The following LRP1B variants were observed in gnomAD, a reference collection of about 807,000 sequenced individuals.
LRP1B encodes the protein low-density lipoprotein receptor-related protein 1B.
Under a neutral mutation model 556.6 loss-of-function variants are expected in LRP1B, and 217 were observed. That is an observed-to-expected ratio of 0.39 (90% CI 0.35 to 0.44). LRP1B has a LOEUF of 0.44. Among genes scored for constraint, LRP1B ranks in the 20% least tolerant of loss-of-function variants. The pLI is 1.00. For missense variants in LRP1B, 5,053 were observed against 5,620.8 expected, an observed-to-expected ratio of 0.90 and a Z score of 3.23; for synonymous variants, 2,047 against 1,865.8, an observed-to-expected ratio of 1.10 and a Z score of -2.50.
At chr2:141,141,254 CT>C (rs1277162207) in intron 7 of LRP1B, among the ~76,000 whole-genome samples, 2 of 151,962 alleles carry the variant, frequency 1.3e-5, no homozygotes, top group Admixed American at 6.6e-5. Flanking sequence ...GTAATGCCAT[CT>C]TTTTTTTCTT....
intron 6 of LRP1B, among the ~76,000 whole-genome samples, chr2:141,192,238 G>T (rs147630965): frequency 1.2e-3 from 180 of 152,004 alleles, no homozygotes; most frequent in African/African-American, 4.1e-3. Flanking sequence ...TTAGATGGAT[G>T]AACGGATAAA....
chr2:140,693,925 C>A (rs1316831284), intron 41 of LRP1B, among the ~76,000 whole-genome samples: 3 of 152,122 alleles, frequency 2.0e-5, no homozygotes, highest in Non-Finnish European at 4.4e-5. Flanking sequence ...CCAGGCTAGT[C>A]TCGAACTCCT....
chr2:140,475,397 C>T, intron 59 of LRP1B, 60 bp from the exon 60 acceptor site: 1 of 1,273,212 alleles, frequency 7.9e-7, no homozygotes, highest in East Asian at 2.5e-5. Flanking sequence ...AAACAACAAA[C>T]AATATATTAC....
At chr2:140,741,483 A>T (rs1688135610) in intron 35 of LRP1B, among the ~76,000 whole-genome samples, 2 of 149,398 alleles carry the variant, frequency 1.3e-5, no homozygotes, top group African/African-American at 4.9e-5. Flanking sequence ...CCACACTATT[A>T]TTTTTTTTTT....
chr2:141,519,131 G>T (rs142862908), intron 2 of LRP1B, among the ~76,000 whole-genome samples: 11 of 151,976 alleles, frequency 7.2e-5, no homozygotes, highest in African/African-American at 2.4e-4. Flanking sequence ...GAAAACCAAA[G>T]AGGAAACGGT....
chr2:141,971,112 C>A (rs551072915), intron 1 of LRP1B, among the ~76,000 whole-genome samples: 2 of 151,550 alleles, frequency 1.3e-5, no homozygotes, highest in South Asian at 4.1e-4. Flanking sequence ...GTTACCAAAT[C>A]CTTTTGAGCA....
intron 3 of LRP1B, among the ~76,000 whole-genome samples, chr2:141,447,716 C>A (rs761729747): frequency 6.6e-6 from 1 of 152,136 alleles, no homozygotes; most frequent in African/African-American, 2.4e-5. Flanking sequence ...ACTCCAGACC[C>A]TGTTTGCCTG....
chr2:140,837,691 C>CA lies in LRP1B; in HGVS notation c.5209+2299dup, dbSNP rs558593330. ...ATTCTCAGCAAACTATCACCAAGGA[C>CA]AAAAAACCAAACACCGCATATTCTC... On this transcript the variant is annotated intron_variant, in intron 31 of 90. Transcript: ENST00000389484. Among the ~76,000 whole-genome samples, 805 of 150,330 alleles carry CA rather than the reference C, an allele frequency of 5.4e-3. 29 individuals carry two copies. Among genetic ancestry groups the CA allele is most frequent in the Admixed American group, 0.047 (703 of 14,946 alleles).
chr2:141,886,989 GTTTGTTTGT>G (rs1699142367), intron 1 of LRP1B, among the ~76,000 whole-genome samples: 1 of 120,718 alleles, frequency 8.3e-6, no homozygotes, highest in Non-Finnish European at 1.7e-5. Flanking sequence ...TGGGTTTTTT[GTTTGTTTGT>G]TTTGTTTGTT....
At chr2:141,532,841 C>T (rs1684934180) in intron 2 of LRP1B, among the ~76,000 whole-genome samples, 1 of 152,018 alleles carries the variant, frequency 6.6e-6, no homozygotes, top group Non-Finnish European at 1.5e-5. Context: ...CAAAAATTAG[C>T]CGGGTATGGT....
chr2:141,671,104 T>G (rs1234780207), intron 2 of LRP1B, among the ~76,000 whole-genome samples: 1 of 152,158 alleles, frequency 6.6e-6, no homozygotes, highest in Middle Eastern at 3.2e-3. Context: ...CATATAGAAA[T>G]ATTTGGGATT....
chr2:140,927,208 G>C (rs560946769), intron 20 of LRP1B, among the ~76,000 whole-genome samples: 1 of 152,248 alleles, frequency 6.6e-6, no homozygotes, highest in East Asian at 1.9e-4. Context: ...GGGAGGCTGA[G>C]GCACGAGAAT....
intron 15 of LRP1B, 75 bp from the exon 16 acceptor site, chr2:140,994,210 G>A: frequency 2.2e-6 from 3 of 1,369,064 alleles, no homozygotes; most frequent in Non-Finnish European, 3.0e-6. Context: ...ATCTTGTAGA[G>A]TTTTTTGTTT....
Position 140,335,632 on chromosome 2 carries a change from T to A in LRP1B, c.12099A>T (p.Ala4033=), listed in dbSNP as rs1467051289. The A allele has an allele frequency of 7.5e-6, 12 of 1,606,884 alleles. No individual in the cohort carries two copies. The highest frequency in any genetic ancestry group is 2.7e-5 in the African/African-American group (2 of 74,692). ...TNMAGEPYAI[A]VNPKRGMMYW... ...TAACCTACCCTCTTTTAGGATTTAC[T>A]GCAATAGCATAGGGTTCTCCAGCCA... Residue 4033 remains alanine (A), a synonymous_variant, in exon 78 of 91, where the codon GCA becomes GCT. Coordinates refer to ENST00000389484, the MANE Select transcript of LRP1B (RefSeq NM_018557.3).
chr2:140,836,754 A>T (rs1034076843), intron 31 of LRP1B, among the ~76,000 whole-genome samples: 10 of 152,042 alleles, frequency 6.6e-5, no homozygotes, highest in South Asian at 2.1e-4. Flanking sequence ...TTTTGGAAGT[A>T]TTTAAAAAAA....
At chr2:140,545,360 T>C (rs1188712076) in intron 43 of LRP1B, among the ~76,000 whole-genome samples, 1 of 152,034 alleles carries the variant, frequency 6.6e-6, no homozygotes, top group East Asian at 1.9e-4. Context: ...AATCTTTGCC[T>C]GTTCCTATGT....
intron 21 of LRP1B, among the ~76,000 whole-genome samples, chr2:140,920,351 G>T (rs12615670): frequency 0.19 from 28,907 of 151,792 alleles, 3,470 homozygotes; most frequent in East Asian, 0.4. Flanking sequence ...CTGTGCCTAC[G>T]TTTTGAACAC....
intron 2 of LRP1B, among the ~76,000 whole-genome samples, chr2:141,483,766 G>A (rs1683011722): frequency 6.6e-6 from 1 of 151,838 alleles, no homozygotes; most frequent in African/African-American, 2.4e-5. Flanking sequence ...GTCTTCTTTT[G>A]AGAAGTGTCT....
intron 35 of LRP1B, among the ~76,000 whole-genome samples, chr2:140,717,414 C>T (rs1687251020): frequency 6.6e-6 from 1 of 151,986 alleles, no homozygotes; most frequent in Non-Finnish European, 1.5e-5. Flanking sequence ...CTACAAGACC[C>T]TTACATTATT....
Sources: allele counts gnomAD v4.1 joint callset (sites outside exome capture counted in the v4.1 genomes callset), GRCh38; gene constraint gnomAD v4.1.1; transcripts MANE v1.5; gene names NCBI Gene and HGNC (gene_info 2026-07-23, HGNC 2026-07-21).